Variants in PTPRA observed in about 807,000 individuals in gnomAD.
PTPRA encodes receptor-type tyrosine-protein phosphatase alpha.
PTPRA carries 25 observed loss-of-function variants against 104.8 expected under a neutral mutation model. That is an observed-to-expected ratio of 0.24 (90% CI 0.17 to 0.33). The LOEUF (loss-of-function observed/expected upper bound fraction) is 0.33, where lower values mean the gene tolerates loss of function less well. PTPRA is among the 10% of genes least tolerant of loss of function. The probability of loss-of-function intolerance (pLI) is 1.00; values close to 1 mark genes in which losing one functional copy is unlikely to be tolerated. For synonymous variants in PTPRA, 323 were observed against 368.9 expected (o/e 0.88, Z 1.43); for missense variants, 765 against 1,015.3 (o/e 0.75, Z 3.35).
In PTPRA at chr20:2,950,220, C is replaced by A. The variant is rs944892368; in HGVS notation, c.-7+2196C>A. 2.0e-5 allele frequency among the ~76,000 whole-genome samples: 3 copies of A among 152,058 alleles called. No individual in the cohort carries two copies. The highest frequency in any genetic ancestry group is 7.2e-5 in the African/African-American group (3 of 41,416). ...AGAATATTCAGGTCTTTTGTTCTTC[C>A]TGGGCTAGTTTTTTATTCTTTTTCT... is the stretch of plus-strand genomic sequence containing the variant. On this transcript the variant is annotated intron_variant, in intron 3 of 23. Transcript: ENST00000399903. The surrounding 1 kb of genome is among the most constrained non-coding windows in gnomAD (Gnocchi z 4.0).
chr20:3,026,785 G>A lies in PTPRA; in HGVS notation c.1708+5G>A. On this transcript the variant is annotated splice_donor_5th_base_variant and intron_variant, in intron 18 of 23. Transcript: ENST00000399903. ...GTGTTTTACAGATCATTCCATGTAA[G>A]AGCCCTCCCGCCACTCCAAAGCCTT... is the stretch of plus-strand genomic sequence containing the variant. 6.4e-7 allele frequency: 1 copy of A among 1,565,820 alleles called. No homozygotes were observed. The highest frequency in any genetic ancestry group is 8.7e-7 in the Non-Finnish European group (1 of 1,149,264).
chr20:2,899,207 G>A (rs1045274204), intron 1 of PTPRA, among the ~76,000 whole-genome samples: 58 of 152,110 alleles, frequency 3.8e-4, no homozygotes, highest in African/African-American at 1.3e-3. Context: ...GTGGTGACAC[G>A]CACCTATAGT....
intron 7 of PTPRA, 70 bp downstream of exon 7, chr20:2,986,919 C>G: frequency 7.4e-7 from 1 of 1,345,832 alleles, no homozygotes; most frequent in Non-Finnish European, 1.1e-6. Context: ...TGAACCCACA[C>G]AGTCCAGTAG....
At chr20:2,934,446 A>T (rs923946215) in intron 2 of PTPRA, among the ~76,000 whole-genome samples, 27 of 152,256 alleles carry the variant, frequency 1.8e-4, no homozygotes, top group East Asian at 5.8e-4. Flanking sequence ...TTCCTTGTTT[A>T]TAAATCTGTA....
chr20:2,973,585 T>C (rs951211224), intron 5 of PTPRA, among the ~76,000 whole-genome samples: 1 of 152,210 alleles, frequency 6.6e-6, no homozygotes, highest in African/African-American at 2.4e-5. Context: ...CCTAACAATA[T>C]TGCCCTTATC....
intron 9 of PTPRA, among the ~76,000 whole-genome samples, chr20:2,994,590 T>C (rs2063325449): frequency 6.6e-6 from 1 of 152,196 alleles, no homozygotes; most frequent in East Asian, 1.9e-4. Flanking sequence ...AGGCATGTGA[T>C]GTGGATCCCA....
Position 2,980,999 on chromosome 20 carries a change from T to C in PTPRA, c.442+5758T>C, listed in dbSNP as rs80113680. On this transcript the variant is annotated intron_variant, in intron 6 of 23. Coordinates refer to ENST00000399903, the MANE Select transcript of PTPRA (RefSeq NM_001385305.1). ...GGCGAGCTGCCGTTTTCTTTTTCCT[T>C]TCCTCTCTTGTGGTTGCCTAGAATT... Among the ~76,000 whole-genome samples, 941 of 152,240 alleles carry C rather than the reference T, an allele frequency of 6.2e-3. 31 individuals are homozygous for C. The East Asian group carries it at 0.077, about 12-fold the overall frequency.
In PTPRA at chr20:3,029,540, C is replaced by CTTTTTTTTTTTTTTTTTT. The variant is rs71195813; in HGVS notation, c.1920+1700_1920+1717dup. Among the ~76,000 whole-genome samples, 738 of 78,038 alleles carry CTTTTTTTTTTTTTTTTTT rather than the reference C, an allele frequency of 9.5e-3. 165 individuals carry two copies. Among genetic ancestry groups the CTTTTTTTTTTTTTTTTTT allele is most frequent in the African/African-American group, 0.016 (293 of 18,034 alleles). The allele number at this position is 78,038 out of a possible 152,430, so 51.2% of individuals were successfully genotyped here. On this transcript the variant is annotated intron_variant, in intron 20 of 23. Transcript: ENST00000399903. ...GACATACTTTGTAGGTCTTCATCAT[C>CTTTTTTTTTTTTTTTTTT]TTTTTTTTTTTTTTTTTTGAGACGG...
intron 14 of PTPRA, 51 bp downstream of exon 14, chr20:3,021,479 G>T (rs779545011): frequency 6.2e-7 from 1 of 1,607,522 alleles, no homozygotes; most frequent in Non-Finnish European, 8.5e-7. Context: ...CTGCTGACCA[G>T]TAAGAGGGAA....
At chr20:2,953,668 C>T (rs1483156560) in intron 3 of PTPRA, among the ~76,000 whole-genome samples, 1 of 150,760 alleles carries the variant, frequency 6.6e-6, no homozygotes, top group Admixed American at 6.6e-5. Flanking sequence ...AGTGTAGTGA[C>T]GTGATCTCGG....
Position 3,027,799 on chromosome 20 carries a change from C to G in PTPRA, c.1878C>G (p.Ser626=). Reference sequence around the variant, plus strand: ...GGCGAATGATCTGGGAGTGGAAATCCTGCTCTATCGTGATGCTAACAGAAC... The same window carrying G: ...GGCGAATGATCTGGGAGTGGAAATCGTGCTCTATCGTGATGCTAACAGAAC... ...DFWRMIWEWK[S]CSIVMLTELE... is the part of the protein sequence containing the mutation. The change falls in exon 20 of 24, where the codon TCC becomes TCG. Residue 626 remains serine, a synonymous_variant. Transcript: ENST00000399903. 6.2e-7 allele frequency: 1 copy of G among 1,614,186 alleles called. No homozygotes were observed. Among genetic ancestry groups the G allele is most frequent in the Non-Finnish European group, 8.5e-7 (1 of 1,180,030 alleles).
intron 3 of PTPRA, 66 bp from the exon 4 acceptor site, chr20:2,964,206 G>A (rs1036397765): frequency 4.6e-6 from 6 of 1,315,026 alleles, no homozygotes; most frequent in African/African-American, 1.5e-5. Flanking sequence ...ATACTCTTCT[G>A]GTGACCAGCT....
At chr20:2,878,998 G>A (rs1041068106) in intron 1 of PTPRA, among the ~76,000 whole-genome samples, 3 of 152,224 alleles carry the variant, frequency 2.0e-5, no homozygotes, top group Non-Finnish European at 4.4e-5. Context: ...GCTAGATGCT[G>A]TTCAGTTGGA....
intron 9 of PTPRA, 142 bp from the exon 10 acceptor site, chr20:3,004,914 G>C (rs2063796642): frequency 1.7e-5 from 12 of 718,800 alleles, no homozygotes; most frequent in Non-Finnish European, 2.9e-5. Context: ...CTCTGTGTTA[G>C]GCTGCAGGTA....
At chr20:2,913,048 G>T (rs1307554114) in intron 1 of PTPRA, among the ~76,000 whole-genome samples, 5 of 151,952 alleles carry the variant, frequency 3.3e-5, no homozygotes, top group African/African-American at 1.2e-4. Flanking sequence ...TAGAGAGTGA[G>T]CCCCATCAGC....
At chr20:2,867,432 A>C in the PTPRA span, among the ~76,000 whole-genome samples, 1 of 152,206 alleles carries the variant, frequency 6.6e-6, no homozygotes, top group Non-Finnish European at 1.5e-5. Flanking sequence ...ACCCGCAATC[A>C]GTAGGAGTAC....
intron 1 of PTPRA, among the ~76,000 whole-genome samples, chr20:2,901,884 T>G (rs918623180): frequency 1.3e-5 from 2 of 151,696 alleles, no homozygotes; most frequent in Non-Finnish European, 2.9e-5. Flanking sequence ...TTTATTGTGA[T>G]TTTTTCTTTT....
intron 10 of PTPRA, among the ~76,000 whole-genome samples, chr20:3,006,690 C>T (rs544970056): frequency 8.5e-5 from 13 of 152,302 alleles, no homozygotes; most frequent in Non-Finnish European, 1.6e-4. Flanking sequence ...TGCAGTGGCA[C>T]GATCTTGGCT....
intron 1 of PTPRA, among the ~76,000 whole-genome samples, chr20:2,898,257 T>A (rs1294833450): frequency 6.6e-6 from 1 of 150,908 alleles, no homozygotes; most frequent in African/African-American, 2.5e-5. Context: ...TTTTTTTGTA[T>A]TTTTAGTAGA....
Sources: gnomAD v4.1 joint callset for allele counts (sites outside exome capture counted in the v4.1 genomes callset) on GRCh38, gnomAD v4.1.1 for gene constraint, Gnocchi (gnomAD v3.1) non-coding constraint, MANE v1.5 for transcripts, NCBI Gene and HGNC (gene_info 2026-07-23, HGNC 2026-07-21) for gene names.